SPAM1: variants seen among roughly 807,000 people sequenced by gnomAD.
The protein encoded by SPAM1 is sperm adhesion molecule 1, also known as hyaluronidase PH-20.
A neutral mutation model predicts 29.6 loss-of-function variants in SPAM1; 22 were observed. That is an observed-to-expected ratio of 0.74 (90% confidence interval 0.53 to 1.06). The LOEUF (loss-of-function observed/expected upper bound fraction) is 1.06. SPAM1 is among the 50% of genes least tolerant of loss of function. The pLI is 0.00. For synonymous variants in SPAM1, 194 were observed against 204.6 expected (o/e 0.95, Z 0.44); for missense variants, 534 against 604.0 (o/e 0.88, Z 1.21).
At chr7:123,946,231 A>C (rs1016638059) in intron 1 of SPAM1, among the ~76,000 whole-genome samples, 1 of 152,178 alleles carries the variant, frequency 6.6e-6, no homozygotes, top group Non-Finnish European at 1.5e-5. Flanking sequence ...GAAGCAAGTA[A>C]AACTCAGAAA....
chr7:123,960,132 C>T, downstream of SPAM1: 1 of 930,688 alleles, frequency 1.1e-6, no homozygotes, highest in Non-Finnish European at 1.6e-6. Flanking sequence ...ACTTGACAAA[C>T]ACTGCTATAT....
At chr7:123,951,819 A>G (rs1230727936) in intron 2 of SPAM1, among the ~76,000 whole-genome samples, 2 of 152,150 alleles carry the variant, frequency 1.3e-5, no homozygotes, top group East Asian at 3.9e-4. Flanking sequence ...ATGAGGTTTC[A>G]CCACGTTGGT....
intron 4 of SPAM1, among the ~76,000 whole-genome samples, chr7:123,957,975 C>T (rs999997275): frequency 1.3e-5 from 2 of 152,022 alleles, no homozygotes; most frequent in Non-Finnish European, 1.5e-5. Flanking sequence ...CATGTAATTA[C>T]ATTGAGTCCA....
downstream of SPAM1, among the ~76,000 whole-genome samples, chr7:123,963,335 A>G (rs181913335): frequency 2.2e-3 from 310 of 140,142 alleles, 2 homozygotes; most frequent in African/African-American, 8.5e-3. Context: ...ATAGTTTATT[A>G]TGGGTATCTT....
At chr7:123,968,289 G>T (rs1447726198) in intron 5 of SPAM1, among the ~76,000 whole-genome samples, 1 of 152,022 alleles carries the variant, frequency 6.6e-6, no homozygotes, top group Non-Finnish European at 1.5e-5. Context: ...CTAGAAAAGG[G>T]GTGGTAACGT....
chr7:123,949,637 G>T (rs1013590214), intron 1 of SPAM1, among the ~76,000 whole-genome samples: 4 of 151,648 alleles, frequency 2.6e-5, no homozygotes, highest in Admixed American at 2.6e-4. Flanking sequence ...ATACATAGTG[G>T]TGAATACTAC....
chr7:123,944,912 A>C (rs1808528922), intron 1 of SPAM1, among the ~76,000 whole-genome samples: 1 of 152,142 alleles, frequency 6.6e-6, no homozygotes, highest in African/African-American at 2.4e-5. Context: ...TACCTTAAGA[A>C]AATCTCATTA....
In SPAM1 at chr7:123,953,369, A is replaced by G; in HGVS notation, c.-202A>G. On this transcript the variant is annotated 5_prime_UTR_variant, in exon 3 of 5. It adds an upstream start codon to the 5' untranslated region. Transcript: ENST00000682466. ...TATTCTGTATTTCTTTTTCAGTTAT[A>G]GGTGATGCAACTTGAAAAACAATCC... The G allele has an allele frequency of 2.1e-6, 1 of 466,322 alleles. No homozygotes were observed. Among genetic ancestry groups the G allele is most frequent in the South Asian group, 5.3e-5 (1 of 18,972 alleles). 28.9% of individuals were successfully genotyped at this position (466,322 alleles called of 1,614,324 possible). A position where few individuals can be genotyped will look rare whatever the true frequency, so the allele number is the denominator to read the frequency against.
chr7:123,938,616 G>A (rs1440670899), intron 1 of SPAM1, among the ~76,000 whole-genome samples: 3 of 152,102 alleles, frequency 2.0e-5, no homozygotes, highest in African/African-American at 7.2e-5. Context: ...TGACTGTAGT[G>A]GCTATTTGGA....
chr7:123,934,955 A>G (rs1808207573), intron 1 of SPAM1, among the ~76,000 whole-genome samples: 1 of 152,156 alleles, frequency 6.6e-6, no homozygotes, highest in Admixed American at 6.5e-5. Flanking sequence ...TATAGTTAAC[A>G]ATAATTTATT....
At chr7:123,956,449 C>T (rs1034199504) in intron 4 of SPAM1, among the ~76,000 whole-genome samples, 1 of 151,972 alleles carries the variant, frequency 6.6e-6, no homozygotes, top group African/African-American at 2.4e-5. Flanking sequence ...TGCAAGTTTA[C>T]TTGCAGTTAC....
Position 123,933,813 on chromosome 7 carries a change from A to AAGAAGTAC in SPAM1, c.-319+8464_-319+8471dup, listed in dbSNP as rs1808165076. ...CTCAAAAGAAGACATACAAATGGCC[A>AAGAAGTAC]AGAAGTACAGTCATACTCTGTATAA... is the stretch of plus-strand genomic sequence containing the variant. On this transcript the variant is annotated intron_variant, in intron 1 of 4. Coordinates refer to ENST00000682466, the MANE Select transcript of SPAM1 (RefSeq NM_153189.3). 5.3e-5 allele frequency among the ~76,000 whole-genome samples: 8 copies of AAGAAGTAC among 152,330 alleles called. No individual in the cohort carries two copies. The South Asian group carries it at 1.7e-3, about 32-fold the overall frequency.
intron 1 of SPAM1, among the ~76,000 whole-genome samples, chr7:123,926,301 C>T (rs1006640094): frequency 1.8e-4 from 28 of 152,188 alleles, no homozygotes; most frequent in African/African-American, 6.0e-4. Flanking sequence ...CTTTAAATAC[C>T]GAGGCCCTCA....
chr7:123,956,321 C>T (rs1792247548), intron 4 of SPAM1, among the ~76,000 whole-genome samples: 1 of 151,970 alleles, frequency 6.6e-6, no homozygotes, highest in South Asian at 2.1e-4. Flanking sequence ...AACTTCTGAT[C>T]ATTTTAAATA....
chr7:123,971,258 G>A (rs1792495574), exon 7 of SPAM1: 1 of 151,972 alleles, frequency 6.6e-6, no homozygotes, highest in Non-Finnish European at 1.5e-5. Context: ...TTATTTTATT[G>A]CATTGGATCA....
At chr7:123,970,433 T>C (rs747564305) in intron 6 of SPAM1, 16 of 560,122 alleles carry the variant, frequency 2.9e-5, no homozygotes, top group Non-Finnish European at 4.9e-5. Context: ...TTAAAGATCC[T>C]GTCTTCAAAT....
intron 1 of SPAM1, among the ~76,000 whole-genome samples, chr7:123,934,847 G>A (rs555020529): frequency 1.2e-4 from 18 of 152,188 alleles, no homozygotes; most frequent in African/African-American, 4.3e-4. Flanking sequence ...GAGGGAGGGG[G>A]AATAGGCAGA....
intron 1 of SPAM1, among the ~76,000 whole-genome samples, chr7:123,942,160 T>G (rs1808449921): frequency 6.6e-6 from 1 of 152,218 alleles, no homozygotes; most frequent in South Asian, 2.1e-4. Context: ...CACAGCTTAA[T>G]TTTTAGTGAT....
chr7:123,969,587 C>T (rs1309991027), intron 5 of SPAM1, among the ~76,000 whole-genome samples: 1 of 152,016 alleles, frequency 6.6e-6, no homozygotes, highest in Non-Finnish European at 1.5e-5. Context: ...TGTCAAAAAT[C>T]AGTTGGCCAT....
Sources: allele counts gnomAD v4.1 joint callset (sites outside exome capture counted in the v4.1 genomes callset), GRCh38; gene constraint gnomAD v4.1.1; transcripts MANE v1.5; gene names NCBI Gene and HGNC (gene_info 2026-07-23, HGNC 2026-07-21).